The following NDUFAF5 variants were observed in gnomAD, a reference collection of about 807,000 sequenced individuals.
NDUFAF5 encodes NADH:ubiquinone oxidoreductase complex assembly factor 5, also known as arginine-hydroxylase NDUFAF5, mitochondrial.
A neutral mutation model predicts 48.9 loss-of-function variants in NDUFAF5; 34 were observed. That is an observed-to-expected ratio of 0.70 (90% CI 0.53 to 0.93). The LOEUF is 0.93. Among genes scored for constraint, NDUFAF5 ranks in the 40% least tolerant of loss-of-function variants. NDUFAF5 has a pLI of 0.00. For synonymous variants in NDUFAF5, 153 were observed against 150.6 expected, an observed-to-expected ratio of 1.02 and a Z score of -0.12; for missense variants, 428 against 427.5, an observed-to-expected ratio of 1.00 and a Z score of -0.01.
intron 2 of NDUFAF5, 136 bp from the exon 3 acceptor site, chr20:13,788,453 A>C: frequency 1.4e-6 from 1 of 702,116 alleles, no homozygotes; most frequent in South Asian, 1.5e-5. Flanking sequence ...ACAGCTTGTA[A>C]GGTGAGGCTG....
At chr20:13,807,207 T>G (rs1194319913) in intron 7 of NDUFAF5, among the ~76,000 whole-genome samples, 1 of 152,118 alleles carries the variant, frequency 6.6e-6, no homozygotes, top group East Asian at 1.9e-4. Context: ...CCACCATGCC[T>G]GGCTAATTTT....
rs140907476 is a variant in NDUFAF5 at position 13,805,063 on chromosome 20, G to A, written c.717+3380G>A. ...TTTACAGTCTACCCTCTTGAGAATCGTCTCCTATATTGCTGTGTCACCAAC... is the reference window on the plus strand; with the variant it reads ...TTTACAGTCTACCCTCTTGAGAATCATCTCCTATATTGCTGTGTCACCAAC... On this transcript the variant is annotated intron_variant, in intron 7 of 10. Coordinates refer to ENST00000378106, the MANE Select transcript of NDUFAF5 (RefSeq NM_024120.5). Among the ~76,000 whole-genome samples the A allele has an allele frequency of 3.2e-4, 48 of 152,060 alleles. No homozygotes were observed. In the East Asian group the frequency reaches 3.7e-3, roughly 12 times the overall value.
intron 8 of NDUFAF5, chr20:13,815,943 G>GATTAGTAAAA (rs5840580): frequency 1 from 160,351 of 160,356 alleles, 80,173 homozygotes; most frequent in Middle Eastern, 1. Flanking sequence ...CCTAATGTGG[G>GATTAGTAAAA]ATTAGTAAAA....
chr20:13,810,667 T>C (rs1192729168), intron 8 of NDUFAF5, among the ~76,000 whole-genome samples: 1 of 151,970 alleles, frequency 6.6e-6, no homozygotes, highest in African/African-American at 2.4e-5. Context: ...AGAATCTAAG[T>C]GCTTTCCTAG....
At chr20:13,802,156 T>C (rs1301589292) in intron 7 of NDUFAF5, among the ~76,000 whole-genome samples, 1 of 152,034 alleles carries the variant, frequency 6.6e-6, no homozygotes, top group Non-Finnish European at 1.5e-5. Context: ...CTAAAGAAGG[T>C]AGGACAGGGT....
chr20:13,815,894 T>C (rs1236378526), intron 8 of NDUFAF5, among the ~76,000 whole-genome samples: 2 of 152,150 alleles, frequency 1.3e-5, no homozygotes, highest in African/African-American at 4.8e-5. Context: ...TTTTAAAACA[T>C]TAAGAGAAGT....
intron 5 of NDUFAF5, among the ~76,000 whole-genome samples, chr20:13,795,411 A>G (rs1006343922): frequency 6.6e-6 from 1 of 152,194 alleles, no homozygotes; most frequent in Non-Finnish European, 1.5e-5. Flanking sequence ...ACCAGAGAGC[A>G]TAGAATATAT....
At position 13,818,475 on chromosome 20, in the gene NDUFAF5, T is replaced by G. The variant is rs1163440978; in HGVS notation, c.*1265T>G. 2.9e-6 allele frequency: 1 copy of G among 342,536 alleles called. No homozygotes were observed. Among genetic ancestry groups the G allele is most frequent in the African/African-American group, 2.2e-5 (1 of 45,922 alleles). The allele number at this position is 342,536 out of a possible 1,614,324, so 21.2% of individuals were successfully genotyped here. A position where few individuals can be genotyped will look rare whatever the true frequency, so the allele number is the denominator to read the frequency against. On this transcript the variant is annotated 3_prime_UTR_variant, in exon 11 of 11. Coordinates refer to ENST00000378106, the MANE Select transcript of NDUFAF5 (RefSeq NM_024120.5). Reference sequence around the variant, plus strand: ...TTTTTTTTAGCTTAATTTTCAGAACTTGAAGAGAGAGAACAACAACAAAAA... The same window carrying G: ...TTTTTTTTAGCTTAATTTTCAGAACGTGAAGAGAGAGAACAACAACAAAAA...
At chr20:13,801,705 C>T (rs1984167695) in intron 7 of NDUFAF5, 22 bp downstream of exon 7, 1 of 1,593,142 alleles carries the variant, frequency 6.3e-7, no homozygotes, top group Admixed American at 1.7e-5. Context: ...GTTCGATTAA[C>T]CCATAACTTA....
intron 1 of NDUFAF5, among the ~76,000 whole-genome samples, chr20:13,786,079 T>C (rs1981050232): frequency 6.6e-6 from 1 of 152,216 alleles, no homozygotes; most frequent in Non-Finnish European, 1.5e-5. Context: ...CCTTTCTCCC[T>C]GCCCAGGTGA....
rs980414691 is a variant in NDUFAF5 at position 13,821,208 on chromosome 20, G to A, written c.*3998G>A. 6.6e-6 allele frequency: 1 copy of A among 152,140 alleles called. No individual in the cohort carries two copies. Among genetic ancestry groups the A allele is most frequent in the Non-Finnish European group, 1.5e-5 (1 of 68,030 alleles). The allele number at this position is 152,140 out of a possible 1,614,324, so 9.4% of individuals were successfully genotyped here. ...GACGGGACACTTCATTCCCCTCTAA[G>A]TACAGGCTGAGTTTAGTGATTCCCT... On this transcript the variant is annotated 3_prime_UTR_variant, in exon 11 of 11. Coordinates refer to ENST00000378106, the MANE Select transcript of NDUFAF5 (RefSeq NM_024120.5).
intron 3 of NDUFAF5, among the ~76,000 whole-genome samples, chr20:13,789,884 A>G (rs1239997088): frequency 1.3e-5 from 2 of 152,210 alleles, no homozygotes; most frequent in Non-Finnish European, 1.5e-5. Context: ...TGGTAATAGT[A>G]AATGCCATAG....
At chr20:13,810,539 T>C (rs1857767653) in intron 8 of NDUFAF5, among the ~76,000 whole-genome samples, 1 of 151,108 alleles carries the variant, frequency 6.6e-6, no homozygotes, top group South Asian at 2.1e-4. Context: ...AGTCTGGTGG[T>C]GAAGAAGAGG....
In NDUFAF5 at chr20:13,817,750, A is replaced by G. The variant is rs1399711913; in HGVS notation, c.*540A>G. The G allele has an allele frequency of 1.8e-5, 8 of 453,994 alleles. No homozygotes were observed. In the Admixed American group the frequency reaches 1.9e-4, roughly 11 times the overall value. The allele number at this position is 453,994 out of a possible 1,614,324, so 28.1% of individuals were successfully genotyped here. On this transcript the variant is annotated 3_prime_UTR_variant, in exon 11 of 11. Transcript: ENST00000378106. ...TACACCCCACCCTACCTTAGGGAAG[A>G]AGAAAACATTTTAAAGAATACCAGA...
At chr20:13,813,911 C>T (rs1986161874) in intron 8 of NDUFAF5, among the ~76,000 whole-genome samples, 1 of 152,004 alleles carries the variant, frequency 6.6e-6, no homozygotes, top group Non-Finnish European at 1.5e-5. Context: ...AGATTTTTTT[C>T]AGATTAGCGT....
Position 13,816,935 on chromosome 20 carries a change from G to A in NDUFAF5, c.923G>A (p.Gly308Glu), listed in dbSNP as rs1986537865. 6 of 1,606,430 alleles carry A rather than the reference G, an allele frequency of 3.7e-6. No individual in the cohort carries two copies. Among genetic ancestry groups the A allele is most frequent in the Non-Finnish European group, 5.1e-6 (6 of 1,173,128 alleles). ...PATYQIYYMI[G>E]WKYHESQARP... Reference sequence around the variant, plus strand: ...ACATACCAGATCTATTACATGATAGGATGGAAATATCATGAGTCACAGGTA... The same window carrying A: ...ACATACCAGATCTATTACATGATAGAATGGAAATATCATGAGTCACAGGTA... The change falls in exon 10 of 11, where the codon GGA becomes GAA. Residue 308 changes from glycine to glutamate, a missense_variant. By Grantham distance (98) the Gly-to-Glu change is moderately conservative. Coordinates refer to ENST00000378106, the MANE Select transcript of NDUFAF5 (RefSeq NM_024120.5).
At chr20:13,792,110 G>A (rs1034600889) in intron 3 of NDUFAF5, among the ~76,000 whole-genome samples, 2 of 152,122 alleles carry the variant, frequency 1.3e-5, no homozygotes, top group Non-Finnish European at 2.9e-5. Flanking sequence ...CTATTATCTC[G>A]AAGTCTCTTA....
At chr20:13,788,102 G>A (rs375967304) in intron 2 of NDUFAF5, among the ~76,000 whole-genome samples, 4 of 151,940 alleles carry the variant, frequency 2.6e-5, no homozygotes, top group African/African-American at 9.7e-5. Flanking sequence ...CTTTGAACCT[G>A]GTACGTTTTC....
rs1600402352 is a variant in NDUFAF5, at chr20:13,818,612, C to T, written c.*1402C>T. ...GTGAGCTGTCTGTGCCACGGCACTCCAACCTGGGCAAAAGAGGAGACCTCA... is the reference window on the plus strand; with the variant it reads ...GTGAGCTGTCTGTGCCACGGCACTCTAACCTGGGCAAAAGAGGAGACCTCA... On this transcript the variant is annotated 3_prime_UTR_variant, in exon 11 of 11. Coordinates refer to ENST00000378106, the MANE Select transcript of NDUFAF5 (RefSeq NM_024120.5). 1 of 197,734 alleles carries T rather than the reference C, an allele frequency of 5.1e-6. No individual in the cohort carries two copies. The highest frequency in any genetic ancestry group is 2.4e-5 in the African/African-American group (1 of 41,888). The allele number at this position is 197,734 out of a possible 1,614,324, so 12.2% of individuals were successfully genotyped here. A position where few individuals can be genotyped will look rare whatever the true frequency, so the allele number is the denominator to read the frequency against.
Sources: gnomAD v4.1 joint callset for allele counts (sites outside exome capture counted in the v4.1 genomes callset) on GRCh38, gnomAD v4.1.1 for gene constraint, MANE v1.5 for transcripts, NCBI Gene and HGNC (gene_info 2026-07-23, HGNC 2026-07-21) for gene names.